Variants in UBE3C observed in about 807,000 individuals in gnomAD.
UBE3C encodes ubiquitin-protein ligase E3C.
Under a neutral mutation model 129.4 loss-of-function variants are expected in UBE3C, and 42 were observed. The ratio of observed to expected loss-of-function variants is 0.32; its 90% CI spans 0.25 to 0.42. UBE3C has a LOEUF of 0.42. Ranked by LOEUF, UBE3C falls within the 10% of genes least tolerant of loss-of-function variation. The pLI, the probability that UBE3C is intolerant of heterozygous loss-of-function variation, is 1.00. For missense variants in UBE3C, 1,049 were observed against 1,319.1 expected, an observed-to-expected ratio of 0.80 and a Z score of 3.17; for synonymous variants, 510 against 492.4, an observed-to-expected ratio of 1.04 and a Z score of -0.47.
chr7:157,144,511 G>A (rs1807549469), intron 1 of UBE3C, among the ~76,000 whole-genome samples: 1 of 152,150 alleles, frequency 6.6e-6, no homozygotes, highest in Admixed American at 6.5e-5. Context: ...ATACCCGAGA[G>A]GGGAGAACTG....
At chr7:157,197,639 T>C in intron 10 of UBE3C, 1 of 1,608,786 alleles carries the variant, frequency 6.2e-7, no homozygotes, top group Admixed American at 1.7e-5. Flanking sequence ...TAAGAATATC[T>C]GCTTCTAGCA....
At chr7:157,209,952 G>C (rs138455874) in intron 13 of UBE3C, among the ~76,000 whole-genome samples, 2 of 152,218 alleles carry the variant, frequency 1.3e-5, no homozygotes, top group Non-Finnish European at 1.5e-5. Context: ...AGGCCAAGGC[G>C]GGTGGATCAC....
At chr7:157,220,506 A>G (rs769795817) in intron 14 of UBE3C, among the ~76,000 whole-genome samples, 183 bp from the exon 15 acceptor site, 4 of 152,232 alleles carry the variant, frequency 2.6e-5, no homozygotes, top group Non-Finnish European at 4.4e-5. Context: ...AAAGTATGAA[A>G]GGACAGCTAG....
At chr7:157,238,862 A>G (rs1796220945) in intron 18 of UBE3C, among the ~76,000 whole-genome samples, 1 of 152,204 alleles carries the variant, frequency 6.6e-6, no homozygotes. Context: ...AGGAAGGGAG[A>G]AAACCAGAGA....
intron 6 of UBE3C, among the ~76,000 whole-genome samples, chr7:157,179,980 A>AC (rs1491565129): frequency 6.6e-6 from 1 of 152,228 alleles, no homozygotes; most frequent in Non-Finnish European, 1.5e-5. Flanking sequence ...GTTAGTTGAC[A>AC]TATATACTGT....
intron 8 of UBE3C, among the ~76,000 whole-genome samples, chr7:157,182,611 C>G (rs1416818032): frequency 6.6e-6 from 1 of 152,192 alleles, no homozygotes; most frequent in African/African-American, 2.4e-5. Flanking sequence ...AGGCCTGTTT[C>G]CCTCCCTCTG....
At chr7:157,168,001 C>T (rs567258396) in intron 2 of UBE3C, among the ~76,000 whole-genome samples, 1 of 152,196 alleles carries the variant, frequency 6.6e-6, no homozygotes, top group South Asian at 2.1e-4. Context: ...AAGAAAGTGA[C>T]CTTTAAAATA....
chr7:157,258,675 G>T (rs1465395741), intron 22 of UBE3C, among the ~76,000 whole-genome samples: 2 of 152,084 alleles, frequency 1.3e-5, no homozygotes, highest in African/African-American at 2.4e-5. Context: ...GGCCAGGCTG[G>T]TCTCAAACTC....
chr7:157,260,149 A>G (rs1796860790), intron 22 of UBE3C, among the ~76,000 whole-genome samples: 1 of 150,722 alleles, frequency 6.6e-6, no homozygotes, highest in Non-Finnish European at 1.5e-5. Context: ...AAACAGGACA[A>G]ACAGAACCAA....
chr7:157,203,845 C>T (rs1809356312), intron 11 of UBE3C, among the ~76,000 whole-genome samples: 1 of 152,040 alleles, frequency 6.6e-6, no homozygotes, highest in Admixed American at 6.6e-5. Context: ...CTGATAAACC[C>T]ATTGTAAGTT....
intron 1 of UBE3C, among the ~76,000 whole-genome samples, chr7:157,157,051 A>C (rs538197338): frequency 1.3e-5 from 2 of 152,300 alleles, no homozygotes; most frequent in South Asian, 2.1e-4. Context: ...AGGAGGAAAA[A>C]ATAAAGGTGT....
intron 18 of UBE3C, among the ~76,000 whole-genome samples, chr7:157,246,731 T>C (rs1471126985): frequency 6.6e-6 from 1 of 152,096 alleles, no homozygotes; most frequent in African/African-American, 2.4e-5. Flanking sequence ...GTGCTGCACC[T>C]CCAGACAGTA....
intron 2 of UBE3C, among the ~76,000 whole-genome samples, chr7:157,168,488 A>G (rs1385292378): frequency 6.6e-6 from 1 of 152,218 alleles, no homozygotes; most frequent in African/African-American, 2.4e-5. Flanking sequence ...AAACTTATAT[A>G]TGAATGTTCA....
intron 22 of UBE3C, among the ~76,000 whole-genome samples, chr7:157,258,993 A>G (rs1384700393): frequency 2.6e-5 from 4 of 152,224 alleles, no homozygotes; most frequent in Non-Finnish European, 4.4e-5. Flanking sequence ...CTCAGCACAT[A>G]CTTCCTAAGA....
intron 22 of UBE3C, 88 bp from the exon 23 acceptor site, chr7:157,267,497 G>C (rs1797112432): frequency 6.8e-7 from 1 of 1,472,298 alleles, no homozygotes; most frequent in African/African-American, 1.4e-5. Flanking sequence ...TTACTGATTG[G>C]AGCAGGCACA....
At chr7:157,147,871 C>T (rs1299054834) in intron 1 of UBE3C, among the ~76,000 whole-genome samples, 1 of 152,152 alleles carries the variant, frequency 6.6e-6, no homozygotes, top group African/African-American at 2.4e-5. Flanking sequence ...GCCCGTCTTG[C>T]GTATCTGGAA....
chr7:157,207,977 A>G (rs1809481301), intron 13 of UBE3C, 42 bp downstream of exon 13: 2 of 1,335,568 alleles, frequency 1.5e-6, no homozygotes. Context: ...ACATTGAAAA[A>G]TGTACAAACT....
chr7:157,261,986 A>G (rs954807767), intron 22 of UBE3C, among the ~76,000 whole-genome samples: 7 of 152,234 alleles, frequency 4.6e-5, no homozygotes, highest in Admixed American at 2.0e-4. Context: ...AGGAAATTCA[A>G]TTAGCGTTAT....
intron 1 of UBE3C, among the ~76,000 whole-genome samples, chr7:157,154,494 C>T (rs1324296126): frequency 6.6e-6 from 1 of 152,022 alleles, no homozygotes; most frequent in Non-Finnish European, 1.5e-5. Flanking sequence ...GCTTTTTCAC[C>T]TCAACAAAAT....
Sources: allele counts gnomAD v4.1 joint callset (sites outside exome capture counted in the v4.1 genomes callset), GRCh38; gene constraint gnomAD v4.1.1; transcripts MANE v1.5; gene names NCBI Gene and HGNC (gene_info 2026-07-23, HGNC 2026-07-21).